MAF: variants seen among roughly 807,000 people sequenced by gnomAD.
MAF encodes MAF bZIP transcription factor.
In MAF, 10 loss-of-function variants were observed where a neutral mutation model predicts 22.0. The ratio of observed to expected loss-of-function variants is 0.45; its 90% CI spans 0.28 to 0.77. MAF has a LOEUF of 0.77. Ranked by LOEUF, MAF falls within the 30% of genes least tolerant of loss-of-function variation. The pLI, the probability that MAF is intolerant of heterozygous loss-of-function variation, is 0.12. For missense variants in MAF, 544 were observed against 548.4 expected (o/e 0.99, Z 0.08); for synonymous variants, 337 against 255.8 (o/e 1.32, Z -3.03).
the MAF span, among the ~76,000 whole-genome samples, chr16:79,261,837 G>A: frequency 6.6e-6 from 1 of 152,206 alleles, no homozygotes; most frequent in Admixed American, 6.5e-5. Flanking sequence ...TGAGTCCTTG[G>A]GGGCGTTGGG....
At chr16:79,321,347 G>A in the MAF span, among the ~76,000 whole-genome samples, 59 of 152,338 alleles carry the variant, frequency 3.9e-4, no homozygotes, top group Middle Eastern at 6.8e-3. Context: ...AAGATGCCCA[G>A]TTAAATTTGA....
chr16:79,530,852 G>C, the MAF span, among the ~76,000 whole-genome samples: 1 of 152,168 alleles, frequency 6.6e-6, no homozygotes. Context: ...TGGGTGGAAG[G>C]AATGGAAATG....
chr16:79,582,427 A>G (rs1912577350), downstream of MAF, among the ~76,000 whole-genome samples: 1 of 152,184 alleles, frequency 6.6e-6, no homozygotes, highest in Non-Finnish European at 1.5e-5. Flanking sequence ...TAAATGCTTA[A>G]TGTTTCTTTA....
At chr16:79,342,124 CGAATCTCAGA>C in the MAF span, among the ~76,000 whole-genome samples, 3 of 152,168 alleles carry the variant, frequency 2.0e-5, no homozygotes, top group African/African-American at 7.2e-5. Flanking sequence ...TATGTAACAC[CGAATCTCAGA>C]GAAGTTCAGG....
At chr16:79,469,957 C>T in the MAF span, among the ~76,000 whole-genome samples, 1 of 152,224 alleles carries the variant, frequency 6.6e-6, no homozygotes, top group African/African-American at 2.4e-5. Context: ...TCCCATTTTA[C>T]AGACATAAGT....
chr16:79,523,649 G>T, the MAF span, among the ~76,000 whole-genome samples: 1 of 152,192 alleles, frequency 6.6e-6, no homozygotes, highest in Non-Finnish European at 1.5e-5. Context: ...TGATTCTGGA[G>T]ACAGTGGTCA....
At position 79,599,482 on chromosome 16, in the gene MAF, C is replaced by T. The variant is rs1311166228; in HGVS notation, c.421G>A (p.Ala141Thr). Residue 141 changes from alanine to threonine, a missense_variant, in exon 1 of 2, where the codon GCG becomes ACG. This residue lies in a region of MAF where 342 missense variants were observed against 315.5 expected (regional missense o/e 1.08). Transcript: ENST00000326043. Reference sequence around the variant, plus strand: ...GAGGCGCCGGCACCGGCCCCGGCCGCCGCGGCCAGCTGCTGCGCCCCGCGC... The same window carrying T: ...GAGGCGCCGGCACCGGCCCCGGCCGTCGCGGCCAGCTGCTGCGCCCCGCGC... ...YARGAQQLAA[A>T]AGAGAGASLG... The T allele has an allele frequency of 2.3e-5, 33 of 1,406,084 alleles. No homozygotes were observed. The highest frequency in any genetic ancestry group is 2.9e-5 in the Non-Finnish European group (32 of 1,089,446). The allele number at this position is 1,406,084 out of a possible 1,614,324, so 87.1% of individuals were successfully genotyped here.
the MAF span, among the ~76,000 whole-genome samples, chr16:79,524,233 C>A: frequency 1.3e-5 from 2 of 152,318 alleles, 1 homozygote; most frequent in African/African-American, 4.8e-5. Flanking sequence ...AACGACTTAA[C>A]CCTTCCGCAG....
the MAF span, among the ~76,000 whole-genome samples, chr16:79,262,838 G>T: frequency 8.5e-5 from 13 of 152,156 alleles, no homozygotes; most frequent in African/African-American, 3.1e-4. Flanking sequence ...GAAGCTGGTG[G>T]GTGAACGGTA....
chr16:79,519,642 C>T, the MAF span, among the ~76,000 whole-genome samples: 1 of 152,222 alleles, frequency 6.6e-6, no homozygotes, highest in Non-Finnish European at 1.5e-5. Context: ...GCCCGGGTGG[C>T]CTGGCAGGAG....
At chr16:79,380,229 A>C in the MAF span, among the ~76,000 whole-genome samples, 1 of 152,218 alleles carries the variant, frequency 6.6e-6, no homozygotes, top group South Asian at 2.1e-4. Flanking sequence ...TGAGATTCTA[A>C]GTGATGTATA....
At chr16:79,423,081 G>C in the MAF span, among the ~76,000 whole-genome samples, 4 of 152,156 alleles carry the variant, frequency 2.6e-5, no homozygotes, top group African/African-American at 9.7e-5. Context: ...GGGATTCTAA[G>C]ATAGGGTTGC....
chr16:79,241,423 A>G, the MAF span, among the ~76,000 whole-genome samples: 19 of 152,256 alleles, frequency 1.2e-4, no homozygotes, highest in South Asian at 3.7e-3. Context: ...TGAATTGATC[A>G]GACAGAAGAA....
the MAF span, among the ~76,000 whole-genome samples, chr16:79,381,830 G>C: frequency 6.6e-6 from 1 of 152,190 alleles, no homozygotes; most frequent in Non-Finnish European, 1.5e-5. Context: ...ACTCCACAGA[G>C]TGGATATGCT....
At chr16:79,251,722 G>T in the MAF span, among the ~76,000 whole-genome samples, 1 of 152,212 alleles carries the variant, frequency 6.6e-6, no homozygotes, top group South Asian at 2.1e-4. Context: ...CAATCCCTGG[G>T]GTCACAATAG....
chr16:79,332,151 C>T, the MAF span, among the ~76,000 whole-genome samples: 1 of 152,152 alleles, frequency 6.6e-6, no homozygotes, highest in African/African-American at 2.4e-5. Flanking sequence ...ACTACTCTTG[C>T]TCCAACTCTG....
chr16:79,567,556 T>C, the MAF span, among the ~76,000 whole-genome samples: 1 of 151,928 alleles, frequency 6.6e-6, no homozygotes, highest in Non-Finnish European at 1.5e-5. Context: ...ACTAGTTTTG[T>C]CTGTTTGTAT....
the MAF span, chr16:79,516,250 A>C: frequency 6.6e-6 from 1 of 152,292 alleles, no homozygotes; most frequent in South Asian, 2.1e-4. Context: ...TATTTTTTAC[A>C]ATGTTACTGA....
At chr16:79,439,303 C>G in the MAF span, among the ~76,000 whole-genome samples, 8 of 149,496 alleles carry the variant, frequency 5.4e-5, no homozygotes, top group African/African-American at 1.5e-4. Flanking sequence ...GCTCTGCCAC[C>G]CAGGCTGGAG....
Sources: gnomAD v4.1 joint callset for allele counts (sites outside exome capture counted in the v4.1 genomes callset) on GRCh38, gnomAD v4.1.1 for gene constraint, gnomAD v4.1.1 regional missense constraint, MANE v1.5 for transcripts, NCBI Gene and HGNC (gene_info 2026-07-23, HGNC 2026-07-21) for gene names.